Variants in CNTN3 observed in about 807,000 individuals in gnomAD.
CNTN3 encodes the protein contactin-3.
A neutral mutation model predicts 119.1 loss-of-function variants in CNTN3; 60 were observed. The observed-to-expected ratio is 0.50, with a 90% confidence interval of 0.41 to 0.62. The LOEUF (loss-of-function observed/expected upper bound fraction) is 0.62. Ranked by LOEUF, CNTN3 falls within the 20% of genes least tolerant of loss-of-function variation. The pLI is 0.00. For synonymous variants in CNTN3, 450 were observed against 438.7 expected (o/e 1.03, Z -0.32); for missense variants, 1,101 against 1,242.4 (o/e 0.89, Z 1.71).
Position 74,567,033 on chromosome 3 carries a change from C to A in CNTN3, c.-80-45841G>T, listed in dbSNP as rs1225870146. ...GTCCATAGAAGTCAGCCTCTTGGGG[C>A]ACAGAGCAGGCTGGAGAGCGTAGCA... On this transcript the variant is annotated intron_variant, in intron 1 of 22. Transcript: ENST00000263665. Among the ~76,000 whole-genome samples, 5 of 152,134 alleles carry A rather than the reference C, an allele frequency of 3.3e-5. No homozygotes were observed. The East Asian group carries it at 5.8e-4, about 18-fold the overall frequency.
chr3:74,569,495 A>C (rs1485715109), intron 1 of CNTN3, among the ~76,000 whole-genome samples: 2 of 152,184 alleles, frequency 1.3e-5, no homozygotes, highest in Non-Finnish European at 2.9e-5. Context: ...CTCCCAGGGA[A>C]CGTTTCTCTT....
intron 8 of CNTN3, among the ~76,000 whole-genome samples, chr3:74,368,523 T>C (rs950365285): frequency 2.6e-5 from 4 of 152,010 alleles, no homozygotes; most frequent in African/African-American, 9.7e-5. Context: ...AGTCATGTTT[T>C]CATCAAAAAC....
At chr3:74,558,646 A>G (rs183171900) in intron 1 of CNTN3, among the ~76,000 whole-genome samples, 33 of 152,180 alleles carry the variant, frequency 2.2e-4, no homozygotes, top group African/African-American at 7.5e-4. Flanking sequence ...ATTACTTGAC[A>G]TTTTATATCC....
intron 1 of CNTN3, among the ~76,000 whole-genome samples, chr3:74,545,697 G>C (rs1004400706): frequency 3.9e-5 from 6 of 151,934 alleles, no homozygotes; most frequent in Admixed American, 3.9e-4. Context: ...CTTTCTTAGG[G>C]GTACCCAGAT....
rs1703535140 is a variant in CNTN3, at chr3:74,521,065, G to A, written c.48C>T (p.Cys16=). 6.3e-7 allele frequency: 1 copy of A among 1,594,888 alleles called. No homozygotes were observed. The highest frequency in any genetic ancestry group is 1.4e-5 in the African/African-American group (1 of 73,766). ...KQLILLSFIG[C]LGGELLLQGP... ...TATAGGATTTTTTTTTACCTCCTAA[G>A]CAGCCAATGAATGAAAGCAGGATCA... The change falls in exon 2 of 23, where the codon TGC becomes TGT. Residue 16 remains cysteine, a synonymous_variant. Transcript: ENST00000263665.
At chr3:74,397,124 A>G (rs889452028) in intron 5 of CNTN3, among the ~76,000 whole-genome samples, 1 of 152,206 alleles carries the variant, frequency 6.6e-6, no homozygotes, top group South Asian at 2.1e-4. Flanking sequence ...GTTGAAGCCA[A>G]TGCTCATTGA....
rs1347496197 is a variant in CNTN3 at position 74,585,496 on chromosome 3, GAAGTA to G, written c.-81+28890_-81+28894del. On this transcript the variant is annotated intron_variant, in intron 1 of 22. Transcript: ENST00000263665. ...TCTTATTTTGAATTCAAGTTTTAGA[GAAGTA>G]AAGTATTACAAGTAAGTGACCATCC... Among the ~76,000 whole-genome samples the G allele has an allele frequency of 5.3e-5, 8 of 152,190 alleles. No individual in the cohort carries two copies. In the South Asian group the frequency reaches 1.0e-3, roughly 20 times the overall value.
chr3:74,432,832 C>T (rs1391936302), intron 4 of CNTN3, among the ~76,000 whole-genome samples: 1 of 152,148 alleles, frequency 6.6e-6, no homozygotes, highest in African/African-American at 2.4e-5. Flanking sequence ...TGGTCCAATT[C>T]TCAAAACATT....
intron 4 of CNTN3, among the ~76,000 whole-genome samples, chr3:74,475,442 T>C (rs1242006512): frequency 2.6e-5 from 4 of 152,176 alleles, no homozygotes; most frequent in Non-Finnish European, 2.9e-5. Flanking sequence ...TAGGTTCAGT[T>C]GCCCATGTGG....
intron 13 of CNTN3, among the ~76,000 whole-genome samples, chr3:74,310,563 A>G (rs1702660822): frequency 6.6e-6 from 1 of 152,182 alleles, no homozygotes. Context: ...GGACCTGTCC[A>G]CAGCTGCATA....
intron 1 of CNTN3, among the ~76,000 whole-genome samples, chr3:74,598,956 A>G (rs1704860307): frequency 6.6e-6 from 1 of 152,070 alleles, no homozygotes; most frequent in Non-Finnish European, 1.5e-5. Flanking sequence ...ATGTAGAGAT[A>G]TTTTTAAAAT....
intron 1 of CNTN3, among the ~76,000 whole-genome samples, chr3:74,522,442 G>T (rs1449906878): frequency 2.0e-5 from 3 of 151,980 alleles, no homozygotes; most frequent in African/African-American, 7.2e-5. Context: ...CCCCACTGCT[G>T]CAAACTGCAT....
intron 5 of CNTN3, among the ~76,000 whole-genome samples, chr3:74,394,200 T>G (rs1031422668): frequency 2.6e-5 from 4 of 152,176 alleles, no homozygotes; most frequent in Non-Finnish European, 4.4e-5. Flanking sequence ...TTCTTGTTTA[T>G]TAAGGTGAAA....
chr3:74,381,497 G>A (rs1704623895), intron 5 of CNTN3, among the ~76,000 whole-genome samples: 1 of 152,084 alleles, frequency 6.6e-6, no homozygotes, highest in Non-Finnish European at 1.5e-5. Context: ...GGATATGCTG[G>A]AGACTTCATA....
Position 74,521,174 on chromosome 3 carries a change from T to C in CNTN3, c.-62A>G. ...TCTCTGATGAATAGAATGCTTTCTC[T>C]TCAGGTAAATCCTTTAATCTGTAAA... On this transcript the variant is annotated 5_prime_UTR_variant, in exon 2 of 23. Coordinates refer to ENST00000263665, the MANE Select transcript of CNTN3 (RefSeq NM_020872.3). 3.3e-6 allele frequency: 3 copies of C among 919,338 alleles called. No homozygotes were observed. Among genetic ancestry groups the C allele is most frequent in the Non-Finnish European group, 5.0e-6 (3 of 600,430 alleles). 56.9% of individuals were successfully genotyped at this position (919,338 alleles called of 1,614,324 possible).
intron 1 of CNTN3, among the ~76,000 whole-genome samples, chr3:74,573,830 A>G (rs144527974): frequency 6.6e-6 from 1 of 152,264 alleles, no homozygotes; most frequent in African/African-American, 2.4e-5. Flanking sequence ...GAACACTCCA[A>G]TATTGCTCAT....
chr3:74,506,910 T>A (rs1703271834), intron 2 of CNTN3, among the ~76,000 whole-genome samples: 1 of 152,210 alleles, frequency 6.6e-6, no homozygotes, highest in Non-Finnish European at 1.5e-5. Context: ...ATAGAGATGA[T>A]TTCATTTCTA....
intron 1 of CNTN3, among the ~76,000 whole-genome samples, chr3:74,608,132 A>G (rs1442910385): frequency 1.3e-5 from 2 of 152,240 alleles, no homozygotes; most frequent in Non-Finnish European, 2.9e-5. Context: ...CAGATTAGCA[A>G]GCTGTACCCC....
At chr3:74,438,700 T>G (rs537806033) in intron 4 of CNTN3, among the ~76,000 whole-genome samples, 1 of 152,198 alleles carries the variant, frequency 6.6e-6, no homozygotes, top group African/African-American at 2.4e-5. Flanking sequence ...AACACGAGAG[T>G]CTTAAAGCTC....
Sources: allele counts gnomAD v4.1 joint callset (sites outside exome capture counted in the v4.1 genomes callset), GRCh38; gene constraint gnomAD v4.1.1; transcripts MANE v1.5; gene names NCBI Gene and HGNC (gene_info 2026-07-23, HGNC 2026-07-21).